The following SLC17A1 variants were observed in gnomAD, a reference collection of about 807,000 sequenced individuals.
SLC17A1 encodes sodium-dependent phosphate transport protein 1.
SLC17A1 carries 51 observed loss-of-function variants against 53.5 expected under a neutral mutation model. The ratio of observed to expected loss-of-function variants is 0.95; its 90% CI spans 0.76 to 1.20. SLC17A1 has a LOEUF of 1.20. Among genes scored for constraint, SLC17A1 ranks in the 50% most tolerant of loss-of-function variants. The probability of loss-of-function intolerance (pLI) is 0.00; values close to 1 mark genes in which losing one functional copy is unlikely to be tolerated. For synonymous variants in SLC17A1, 179 were observed against 198.8 expected (o/e 0.90, Z 0.84); for missense variants, 538 against 568.2 (o/e 0.95, Z 0.54).
chr6:25,831,127 G>A lies in SLC17A1; in HGVS notation c.-50-520C>T, dbSNP rs777212224. ...CAACTCAAGCAGAGGCTAATCATTCGTTACACGTCCACATGCCCCTGTCCG... is the reference window on the plus strand; with the variant it reads ...CAACTCAAGCAGAGGCTAATCATTCATTACACGTCCACATGCCCCTGTCCG... On this transcript the variant is annotated intron_variant, in intron 1 of 12. Coordinates refer to ENST00000244527, the MANE Select transcript of SLC17A1 (RefSeq NM_005074.5). Among the ~76,000 whole-genome samples, 54 of 152,210 alleles carry A rather than the reference G, an allele frequency of 3.5e-4. 1 individual carries two copies. The highest frequency in any genetic ancestry group is 6.8e-3 in the Middle Eastern group (2 of 294).
intron 6 of SLC17A1, 47 bp from the exon 7 acceptor site, chr6:25,813,260 G>T (rs1337325243): frequency 6.9e-7 from 1 of 1,450,258 alleles, no homozygotes; most frequent in Non-Finnish European, 9.7e-7. Flanking sequence ...GTTTGTAGTG[G>T]ATCTCTTTCC....
rs139503169 is a variant in SLC17A1 at position 25,829,268 on chromosome 6, C to A, written c.34+1256G>T. Among the ~76,000 whole-genome samples, 323 of 152,212 alleles carry A rather than the reference C, an allele frequency of 2.1e-3. 1 individual carries two copies. The highest frequency in any genetic ancestry group is 7.5e-3 in the African/African-American group (311 of 41,520). ...ACCCTCTCCTAAAATGCTTGGATGT[C>A]AAAGATTTACATGGTTCAATGGAGG... On this transcript the variant is annotated intron_variant, in intron 2 of 12. Coordinates refer to ENST00000244527, the MANE Select transcript of SLC17A1 (RefSeq NM_005074.5).
At chr6:25,743,285 C>G in the SLC17A1 span, among the ~76,000 whole-genome samples, 1 of 152,060 alleles carries the variant, frequency 6.6e-6, no homozygotes, top group African/African-American at 2.4e-5. Flanking sequence ...ACACTGAAAG[C>G]AAACTGAAAC....
the SLC17A1 span, among the ~76,000 whole-genome samples, chr6:25,754,050 T>C: frequency 6.6e-6 from 1 of 152,114 alleles, no homozygotes; most frequent in East Asian, 1.9e-4. Flanking sequence ...GAACGAGTGG[T>C]GGAATCTGTC....
chr6:25,733,827 T>TGA, the SLC17A1 span, among the ~76,000 whole-genome samples: 1 of 151,796 alleles, frequency 6.6e-6, no homozygotes, highest in East Asian at 1.9e-4. Context: ...TGTGTGTGTG[T>TGA]GTGTGTGTGT....
intron 1 of SLC17A1, among the ~76,000 whole-genome samples, chr6:25,830,966 G>A (rs1425273029): frequency 1.3e-5 from 2 of 152,172 alleles, no homozygotes; most frequent in Non-Finnish European, 2.9e-5. Flanking sequence ...GAAGGAGATT[G>A]CTATAGGTCA....
At chr6:25,801,685 G>A (rs1293132658) in intron 10 of SLC17A1, among the ~76,000 whole-genome samples, 1 of 152,278 alleles carries the variant, frequency 6.6e-6, no homozygotes, top group Non-Finnish European at 1.5e-5. Context: ...TTTATGAGAG[G>A]CAGAGTTCAG....
In SLC17A1 at chr6:25,799,387, CT is replaced by C. The variant is rs887071594; in HGVS notation, c.1270-469del. Among the ~76,000 whole-genome samples, 725 of 147,550 alleles carry C rather than the reference CT, an allele frequency of 4.9e-3. 4 individuals are homozygous for C. The highest frequency in any genetic ancestry group is 0.017 in the African/African-American group (683 of 40,372). ...TTATTTCATATTTTCCATTGCAATCCTTTTTTTTTTAAGTTTTGGATTCGTT... is the reference window on the plus strand; with the variant it reads ...TTATTTCATATTTTCCATTGCAATCCTTTTTTTTTAAGTTTTGGATTCGTT... On this transcript the variant is annotated intron_variant, in intron 11 of 12. Coordinates refer to ENST00000244527, the MANE Select transcript of SLC17A1 (RefSeq NM_005074.5).
chr6:25,764,118 G>A, the SLC17A1 span, among the ~76,000 whole-genome samples: 1 of 152,172 alleles, frequency 6.6e-6, no homozygotes, highest in Admixed American at 6.5e-5. Flanking sequence ...TGTCTAACAT[G>A]ACTGATCCTC....
the SLC17A1 span, chr6:25,762,096 T>A: frequency 6.5e-7 from 1 of 1,537,716 alleles, no homozygotes; most frequent in Non-Finnish European, 8.9e-7. Flanking sequence ...AAAACTAGGA[T>A]CTGTGGCACT....
intron 2 of SLC17A1, among the ~76,000 whole-genome samples, chr6:25,829,463 G>T (rs540286896): frequency 2.6e-5 from 4 of 152,152 alleles, no homozygotes; most frequent in Non-Finnish European, 5.9e-5. Flanking sequence ...GAAGTGAATG[G>T]ATCTAGAAAG....
chr6:25,740,601 A>G, the SLC17A1 span, among the ~76,000 whole-genome samples: 4 of 152,216 alleles, frequency 2.6e-5, no homozygotes, highest in Non-Finnish European at 4.4e-5. Flanking sequence ...TTTACTGATG[A>G]GCTCCTTTCT....
At chr6:25,778,090 CT>C, downstream of SLC17A1, 1 of 1,088,382 alleles carries the variant, frequency 9.2e-7, no homozygotes. Context: ...TATGCACGGC[CT>C]TGTATCCTAG....
chr6:25,744,482 A>C, the SLC17A1 span, among the ~76,000 whole-genome samples: 6 of 152,214 alleles, frequency 3.9e-5, no homozygotes, highest in Non-Finnish European at 8.8e-5. Context: ...CAATTATTAA[A>C]ATTGCAGGAA....
At chr6:25,769,049 C>T in the SLC17A1 span, 6 of 1,614,028 alleles carry the variant, frequency 3.7e-6, no homozygotes, top group Non-Finnish European at 4.2e-6. Flanking sequence ...CAATTTACAC[C>T]CAACAAATGA....
At chr6:25,780,823 G>A (rs900557504), downstream of SLC17A1, 3 of 152,128 alleles carry the variant, frequency 2.0e-5, no homozygotes, top group Non-Finnish European at 4.4e-5. Flanking sequence ...TTGATTTAGG[G>A]AATAAACCTG....
the SLC17A1 span, chr6:25,770,277 C>T: frequency 1.4e-4 from 227 of 1,614,062 alleles, no homozygotes; most frequent in African/African-American, 3.5e-4. Flanking sequence ...CATTGTCCTC[C>T]GGATTGTACA....
At chr6:25,769,341 C>T in the SLC17A1 span, 1 of 750,328 alleles carries the variant, frequency 1.3e-6, no homozygotes, top group Non-Finnish European at 2.1e-6. Context: ...TCAGGCCGAG[C>T]ATGGTGGCTC....
chr6:25,782,259 G>C (rs1763282832), downstream of SLC17A1, among the ~76,000 whole-genome samples: 2 of 152,200 alleles, frequency 1.3e-5, no homozygotes, highest in African/African-American at 4.8e-5. Context: ...TGTCAGACCA[G>C]AGGAGAGAGG....
Sources: gnomAD v4.1 joint callset for allele counts (sites outside exome capture counted in the v4.1 genomes callset) on GRCh38, gnomAD v4.1.1 for gene constraint, MANE v1.5 for transcripts, NCBI Gene and HGNC (gene_info 2026-07-23, HGNC 2026-07-21) for gene names.